VWC2: variants seen among roughly 807,000 people sequenced by gnomAD.
The protein encoded by VWC2 is von Willebrand factor C domain containing 2, also known as brorin.
VWC2 carries 14 observed loss-of-function variants against 29.8 expected under a neutral mutation model. That is an observed-to-expected ratio of 0.47 (90% CI 0.31 to 0.74). The LOEUF is 0.74. VWC2 is among the 30% of genes least tolerant of loss of function. The pLI is 0.05. For synonymous variants in VWC2, 213 were observed against 199.0 expected, an observed-to-expected ratio of 1.07 and a Z score of -0.59; for missense variants, 457 against 459.8, an observed-to-expected ratio of 0.99 and a Z score of 0.05.
intron 3 of VWC2, among the ~76,000 whole-genome samples, chr7:49,896,224 C>T (rs1359088200): frequency 6.6e-6 from 1 of 151,996 alleles, no homozygotes; most frequent in Non-Finnish European, 1.5e-5. Context: ...GCCTGTAGTC[C>T]CAGCTACTCA....
rs568222444 is a variant in VWC2, at chr7:49,826,761, T to A, written c.826+23921T>A. Among the ~76,000 whole-genome samples the A allele has an allele frequency of 3.3e-5, 5 of 152,310 alleles. No homozygotes were observed. The East Asian group carries it at 5.8e-4, about 18-fold the overall frequency. On this transcript the variant is annotated intron_variant, in intron 3 of 3. Transcript: ENST00000340652. ...TAAAAGGTTTTTAATAGATTTCTTATATGTTTAACTGATGTTTCAAATGTT... is the reference window on the plus strand; with the variant it reads ...TAAAAGGTTTTTAATAGATTTCTTAAATGTTTAACTGATGTTTCAAATGTT...
At chr7:49,860,075 A>AT (rs1317202779) in intron 3 of VWC2, among the ~76,000 whole-genome samples, 2 of 151,922 alleles carry the variant, frequency 1.3e-5, no homozygotes, top group African/African-American at 2.4e-5. Context: ...CACTTTTGTT[A>AT]TTTTTTTAAG....
At chr7:49,823,581 C>T (rs1373554355) in intron 3 of VWC2, among the ~76,000 whole-genome samples, 1 of 152,124 alleles carries the variant, frequency 6.6e-6, no homozygotes, top group African/African-American at 2.4e-5. Context: ...CGTAAATATC[C>T]TGGGGCCCCC....
At chr7:49,827,665 A>G (rs1789435475) in intron 3 of VWC2, among the ~76,000 whole-genome samples, 1 of 152,154 alleles carries the variant, frequency 6.6e-6, no homozygotes, top group African/African-American at 2.4e-5. Context: ...AATAATCACC[A>G]TTTAAAAGGT....
At chr7:49,898,113 ATGTG>A (rs773381433) in intron 3 of VWC2, among the ~76,000 whole-genome samples, 1 of 151,212 alleles carries the variant, frequency 6.6e-6, no homozygotes, top group Non-Finnish European at 1.5e-5. Flanking sequence ...CTTTACATAT[ATGTG>A]TGTGTGTGTG....
chr7:49,789,271 G>T (rs1400106439), intron 2 of VWC2, among the ~76,000 whole-genome samples: 1 of 130,682 alleles, frequency 7.7e-6, no homozygotes, highest in Admixed American at 7.2e-5. Context: ...GTGTGTGAGC[G>T]GGTGTGTGTG....
intron 3 of VWC2, among the ~76,000 whole-genome samples, chr7:49,892,793 G>A (rs1017922720): frequency 2.0e-5 from 3 of 152,194 alleles, no homozygotes; most frequent in Admixed American, 6.5e-5. Context: ...ACACTGCTCC[G>A]TGGAATGAAT....
At chr7:49,838,125 GATCCTGAAGGCTGTCTTCCCT>G (rs1441685437) in intron 3 of VWC2, among the ~76,000 whole-genome samples, 1 of 152,218 alleles carries the variant, frequency 6.6e-6, no homozygotes, top group Non-Finnish European at 1.5e-5. Context: ...GAGGACTGAA[GATCCTGAAGGCTGTCTTCCCT>G]ATCCCCCCAT....
chr7:49,787,517 G>C (rs898300209), intron 2 of VWC2, among the ~76,000 whole-genome samples: 1 of 152,190 alleles, frequency 6.6e-6, no homozygotes, highest in African/African-American at 2.4e-5. Flanking sequence ...ATGCTCTGGG[G>C]ACATGGAGGG....
At chr7:49,827,431 A>ATAAAATTTGGTG (rs1789424436) in intron 3 of VWC2, among the ~76,000 whole-genome samples, 1 of 140,182 alleles carries the variant, frequency 7.1e-6, no homozygotes, top group Non-Finnish European at 1.7e-5. Context: ...TTGGTATTTT[A>ATAAAATTTGGTG]TACCAAATAT....
chr7:49,860,855 C>T (rs1415203775), intron 3 of VWC2, among the ~76,000 whole-genome samples: 1 of 152,188 alleles, frequency 6.6e-6, no homozygotes, highest in Non-Finnish European at 1.5e-5. Flanking sequence ...CCATGTGAGG[C>T]CACAGAAGGA....
intron 3 of VWC2, among the ~76,000 whole-genome samples, chr7:49,862,346 A>G (rs548806670): frequency 1.7e-4 from 26 of 152,248 alleles, no homozygotes; most frequent in Non-Finnish European, 3.2e-4. Flanking sequence ...TCTGAGTTCA[A>G]TTATTAGCCC....
intron 2 of VWC2, among the ~76,000 whole-genome samples, chr7:49,789,054 GTA>G (rs1238646739): frequency 2.0e-5 from 3 of 150,356 alleles, no homozygotes; most frequent in Non-Finnish European, 4.4e-5. Flanking sequence ...GAGTGTGGGT[GTA>G]TGTGTGGGTG....
chr7:49,779,461 A>G (rs1488505282), intron 2 of VWC2, among the ~76,000 whole-genome samples: 2 of 152,220 alleles, frequency 1.3e-5, no homozygotes, highest in Non-Finnish European at 2.9e-5. Flanking sequence ...TGTACATCCA[A>G]ATAAAAACAT....
At position 49,802,832 on chromosome 7, in the gene VWC2, G is replaced by A; in HGVS notation, c.818G>A (p.Cys273Tyr). Residue 273 changes from cysteine (C) to tyrosine (Y), a missense_variant, in exon 3 of 4, where the codon TGC becomes TAC. This residue lies in a region of VWC2 where 185 missense variants were observed against 257.1 expected (regional missense o/e 0.72). Coordinates refer to ENST00000340652, the MANE Select transcript of VWC2 (RefSeq NM_198570.5). ...VYEPDQCCPI[C>Y]KNGPNCFAET... ...GAGCCTGATCAGTGCTGTCCCATCT[G>A]CAAAAATGGTATGTGAGATCCCCGT... The A allele has an allele frequency of 6.2e-7, 1 of 1,614,136 alleles. No homozygotes were observed. Among genetic ancestry groups the A allele is most frequent in the Non-Finnish European group, 8.5e-7 (1 of 1,180,010 alleles).
At chr7:49,821,390 A>C (rs980816101) in intron 3 of VWC2, among the ~76,000 whole-genome samples, 5 of 152,220 alleles carry the variant, frequency 3.3e-5, no homozygotes, top group African/African-American at 1.2e-4. Flanking sequence ...AGTAGAAGGA[A>C]TATTTACTTG....
At chr7:49,782,772 T>C (rs1488408973) in intron 2 of VWC2, among the ~76,000 whole-genome samples, 1 of 151,892 alleles carries the variant, frequency 6.6e-6, no homozygotes, top group African/African-American at 2.4e-5. Context: ...GAGAATGGCT[T>C]GAGCCCAAGA....
At chr7:49,850,358 G>A (rs1235305676) in intron 3 of VWC2, 2 of 152,204 alleles carry the variant, frequency 1.3e-5, no homozygotes, top group East Asian at 3.8e-4. Flanking sequence ...GTGAGTCCAA[G>A]ATGAACAAAA....
At chr7:49,803,488 G>A (rs978779306) in intron 3 of VWC2, among the ~76,000 whole-genome samples, 7 of 152,196 alleles carry the variant, frequency 4.6e-5, no homozygotes, top group Admixed American at 6.5e-5. Context: ...ATTATGGCCC[G>A]GAGGGCAGTT....
Sources: gnomAD v4.1 joint callset for allele counts (sites outside exome capture counted in the v4.1 genomes callset) on GRCh38, gnomAD v4.1.1 for gene constraint, gnomAD v4.1.1 regional missense constraint, MANE v1.5 for transcripts, NCBI Gene and HGNC (gene_info 2026-07-23, HGNC 2026-07-21) for gene names.